LIPG: variants seen among roughly 807,000 people sequenced by gnomAD.
The protein encoded by LIPG is lipase G, endothelial type.
Under a neutral mutation model 51.8 loss-of-function variants are expected in LIPG, and 34 were observed. The observed-to-expected ratio is 0.66, with a 90% CI of 0.50 to 0.87. The LOEUF (loss-of-function observed/expected upper bound fraction) is 0.87. Among genes scored for constraint, LIPG ranks in the 40% least tolerant of loss-of-function variants. The pLI is 0.00. For missense variants in LIPG, 580 were observed against 652.7 expected (o/e 0.89, Z 1.21); for synonymous variants, 246 against 246.1 (o/e 1.00, Z 0.00).
At chr18:49,568,511 G>C (rs895723793) in intron 3 of LIPG, among the ~76,000 whole-genome samples, 1 of 151,908 alleles carries the variant, frequency 6.6e-6, no homozygotes, top group Non-Finnish European at 1.5e-5. Context: ...CTCCCAAGTA[G>C]CTGGTTTTAC....
rs747989408 is a variant in LIPG, at chr18:49,567,642, G to A, written c.459+21G>A. ...TGCAGGTACTGGGGGATGAGAGGGAGTCTCCTGTCACCAGCAGGATCTCAA... is the reference window on the plus strand; with the variant it reads ...TGCAGGTACTGGGGGATGAGAGGGAATCTCCTGTCACCAGCAGGATCTCAA... On this transcript the variant is annotated intron_variant, in intron 3 of 9. Transcript: ENST00000261292. 1.2e-5 allele frequency: 20 copies of A among 1,612,148 alleles called. No individual in the cohort carries two copies. The South Asian group carries it at 2.0e-4, about 16-fold the overall frequency.
chr18:49,580,931 T>G (rs1263203207), intron 5 of LIPG, among the ~76,000 whole-genome samples: 1 of 152,166 alleles, frequency 6.6e-6, no homozygotes, highest in Non-Finnish European at 1.5e-5. Context: ...CTCTACATCT[T>G]AATGGGAACC....
chr18:49,579,285 G>A (rs1347237029), intron 5 of LIPG, among the ~76,000 whole-genome samples: 3 of 148,838 alleles, frequency 2.0e-5, no homozygotes, highest in Non-Finnish European at 4.4e-5. Context: ...TTTTAAAGAA[G>A]CAAAACCATT....
intron 9 of LIPG, among the ~76,000 whole-genome samples, chr18:49,587,308 C>T (rs372972038): frequency 7.4e-5 from 11 of 148,184 alleles, no homozygotes; most frequent in South Asian, 2.2e-4. Context: ...TGGAGGCTCA[C>T]GCCTGTAATC....
In LIPG at chr18:49,564,468, A is replaced by G. The variant is rs139707858; in HGVS notation, c.98-849A>G. On this transcript the variant is annotated intron_variant, in intron 1 of 9. Coordinates refer to ENST00000261292, the MANE Select transcript of LIPG (RefSeq NM_006033.4). ...CTCCTAGGTGGCACTGTGCATGAGC[A>G]GTGAAGCTGGAAGGGGGGATTTTTG... is the stretch of plus-strand genomic sequence containing the variant. 2.0e-5 allele frequency among the ~76,000 whole-genome samples: 3 copies of G among 152,358 alleles called. No homozygotes were observed. The East Asian group carries it at 5.8e-4, about 29-fold the overall frequency.
At chr18:49,569,945 C>T (rs1413353047) in intron 4 of LIPG, among the ~76,000 whole-genome samples, 1 of 152,190 alleles carries the variant, frequency 6.6e-6, no homozygotes, top group Non-Finnish European at 1.5e-5. Context: ...ACAACTTGCC[C>T]AGGGGCAAAC....
intron 4 of LIPG, among the ~76,000 whole-genome samples, chr18:49,570,940 A>G (rs1270383792): frequency 2.0e-5 from 3 of 152,208 alleles, no homozygotes; most frequent in Admixed American, 6.5e-5. Context: ...TTTAAAAAGA[A>G]TATTTGTGAA....
At chr18:49,562,455 C>A in intron 1 of LIPG, 50 bp downstream of exon 1, 1 of 1,492,722 alleles carries the variant, frequency 6.7e-7, no homozygotes, top group Non-Finnish European at 9.3e-7. Flanking sequence ...TGTGCTGGGT[C>A]CCCTCTGTCT....
At chr18:49,568,147 A>G (rs932252193) in intron 3 of LIPG, among the ~76,000 whole-genome samples, 7 of 152,118 alleles carry the variant, frequency 4.6e-5, no homozygotes, top group African/African-American at 1.7e-4. Flanking sequence ...CTCCTGCCTC[A>G]GCCTCCCGAG....
At chr18:49,565,237 C>A in intron 1 of LIPG, 80 bp from the exon 2 acceptor site, 1 of 1,436,294 alleles carries the variant, frequency 7.0e-7, no homozygotes, top group Non-Finnish European at 9.7e-7. Context: ...AAATTGCTCA[C>A]GATTGAACTA....
rs926587915 is a variant in LIPG, at chr18:49,592,254, T to G, written c.*1732T>G. 1 of 152,254 alleles carries G rather than the reference T, an allele frequency of 6.6e-6. No homozygotes were observed. Among genetic ancestry groups the G allele is most frequent in the Admixed American group, 6.5e-5 (1 of 15,286 alleles). The allele number at this position is 152,254 out of a possible 1,614,324, so 9.4% of individuals were successfully genotyped here. A position where few individuals can be genotyped will look rare whatever the true frequency, so the allele number is the denominator to read the frequency against. ...ATATGTTCTCAAGCCAATTGTGTGC[T>G]TCTCTTGTTTCTGTGATTGCTTTCT... On this transcript the variant is annotated 3_prime_UTR_variant, in exon 10 of 10. Coordinates refer to ENST00000261292, the MANE Select transcript of LIPG (RefSeq NM_006033.4).
In LIPG at chr18:49,596,151, A is replaced by G. The variant is rs1158309968; in HGVS notation, c.*5629A>G. 3 of 151,950 alleles carry G rather than the reference A, an allele frequency of 2.0e-5. No homozygotes were observed. The highest frequency in any genetic ancestry group is 4.4e-5 in the Non-Finnish European group (3 of 68,004). 9.4% of individuals were successfully genotyped at this position (151,950 alleles called of 1,614,324 possible). The stretch of plus-strand genomic sequence containing the variant: ...ACTAAAGTAGAAGTTAAAACCATCA[A>G]CCCCCCCAAAACAAAAATGAATTCC... On this transcript the variant is annotated 3_prime_UTR_variant, in exon 10 of 10. Transcript: ENST00000261292.
Position 49,590,718 on chromosome 18 carries a change from G to A in LIPG, c.*196G>A. The A allele has an allele frequency of 1.5e-6, 1 of 652,254 alleles. No individual in the cohort carries two copies. The highest frequency in any genetic ancestry group is 1.7e-5 in the South Asian group (1 of 57,194). The allele number at this position is 652,254 out of a possible 1,614,324, so 40.4% of individuals were successfully genotyped here. On this transcript the variant is annotated 3_prime_UTR_variant, in exon 10 of 10. Coordinates refer to ENST00000261292, the MANE Select transcript of LIPG (RefSeq NM_006033.4). Reference sequence around the variant, plus strand: ...GGACTGCGCTGCTATAGCTCTTGCTGCCTCTCTTGAATAGCTCTAACTCCA... The same window carrying A: ...GGACTGCGCTGCTATAGCTCTTGCTACCTCTCTTGAATAGCTCTAACTCCA...
rs1422700944 is a variant in LIPG, at chr18:49,595,562, G to T, written c.*5040G>T. ...AATAAAATCCTGGGTGGGCACGGTGGCTCACCCCTGTAATCTCAGCACTTT... is the reference window on the plus strand; with the variant it reads ...AATAAAATCCTGGGTGGGCACGGTGTCTCACCCCTGTAATCTCAGCACTTT... On this transcript the variant is annotated 3_prime_UTR_variant, in exon 10 of 10. Coordinates refer to ENST00000261292, the MANE Select transcript of LIPG (RefSeq NM_006033.4). The T allele has an allele frequency of 6.6e-6, 1 of 152,274 alleles. No homozygotes were observed. The highest frequency in any genetic ancestry group is 1.5e-5 in the Non-Finnish European group (1 of 68,052). The allele number at this position is 152,274 out of a possible 1,614,324, so 9.4% of individuals were successfully genotyped here.
At chr18:49,578,312 A>T (rs375470380) in intron 5 of LIPG, among the ~76,000 whole-genome samples, 3 of 123,034 alleles carry the variant, frequency 2.4e-5, no homozygotes, top group African/African-American at 9.6e-5. Flanking sequence ...CAGACGGGGC[A>T]GCCGGGCAGA....
At chr18:49,573,288 C>T (rs771453826) in intron 4 of LIPG, among the ~76,000 whole-genome samples, 6 of 152,214 alleles carry the variant, frequency 3.9e-5, no homozygotes, top group Middle Eastern at 3.2e-3. Context: ...GCGGTCCTTG[C>T]GGCCTCTGAA....
rs2084988315 is a variant in LIPG, at chr18:49,597,428, A to T, written c.*6906A>T. On this transcript the variant is annotated 3_prime_UTR_variant, in exon 10 of 10. Transcript: ENST00000261292. Reference sequence around the variant, plus strand: ...TTTTGTAACTGTGGGTTATCTATAGATTGGGGGTGGCCTCTCCTAAAAAAG... The same window carrying T: ...TTTTGTAACTGTGGGTTATCTATAGTTTGGGGGTGGCCTCTCCTAAAAAAG... 2 of 152,186 alleles carry T rather than the reference A, an allele frequency of 1.3e-5. No homozygotes were observed. Among genetic ancestry groups the T allele is most frequent in the South Asian group, 4.1e-4 (2 of 4,830 alleles). 9.4% of individuals were successfully genotyped at this position (152,186 alleles called of 1,614,324 possible). A position where few individuals can be genotyped will look rare whatever the true frequency, so the allele number is the denominator to read the frequency against.
intron 7 of LIPG, 136 bp from the exon 8 acceptor site, chr18:49,583,420 G>A: frequency 1.3e-6 from 1 of 740,916 alleles, no homozygotes; most frequent in Non-Finnish European, 2.4e-6. Context: ...GGAAGTAGAG[G>A]GATAGAGGTG....
chr18:49,572,044 G>C (rs1310400782), intron 4 of LIPG, among the ~76,000 whole-genome samples: 1 of 152,218 alleles, frequency 6.6e-6, no homozygotes, highest in Non-Finnish European at 1.5e-5. Flanking sequence ...GCGTGGCCGG[G>C]CGCAGTGGCT....
Sources: gnomAD v4.1 joint callset for allele counts (sites outside exome capture counted in the v4.1 genomes callset) on GRCh38, gnomAD v4.1.1 for gene constraint, MANE v1.5 for transcripts, NCBI Gene and HGNC (gene_info 2026-07-23, HGNC 2026-07-21) for gene names.